Variants in B3GAT2 observed in about 807,000 individuals in gnomAD.
B3GAT2 encodes the protein beta-1,3-glucuronyltransferase 2.
Under a neutral mutation model 27.8 loss-of-function variants are expected in B3GAT2, and 26 were observed. The ratio of observed to expected loss-of-function variants is 0.93; its 90% CI spans 0.68 to 1.30. The LOEUF is 1.30. Among genes scored for constraint, B3GAT2 ranks in the 50% most tolerant of loss-of-function variants. B3GAT2 has a pLI of 0.00. For synonymous variants in B3GAT2, 218 were observed against 195.1 expected (o/e 1.12, Z -0.98); for missense variants, 458 against 459.0 (o/e 1.00, Z 0.02).
chr6:70,874,979 G>A (rs531591155), intron 2 of B3GAT2, among the ~76,000 whole-genome samples: 2 of 151,344 alleles, frequency 1.3e-5, no homozygotes, highest in East Asian at 3.9e-4. Context: ...CTACAATACT[G>A]CTCTTACCAA....
In B3GAT2 at chr6:70,937,094, G is replaced by C. The variant is rs973866381; in HGVS notation, c.591+18745C>G. On this transcript the variant is annotated intron_variant, in intron 1 of 3. Coordinates refer to ENST00000230053, the MANE Select transcript of B3GAT2 (RefSeq NM_080742.3). ...TATCACCACCGATCCCACAGAAATAGAAACTACCATCAGAGAATACTATAA... is the reference window on the plus strand; with the variant it reads ...TATCACCACCGATCCCACAGAAATACAAACTACCATCAGAGAATACTATAA... 3.5e-3 allele frequency among the ~76,000 whole-genome samples: 538 copies of C among 152,104 alleles called. 6 individuals carry two copies. The highest frequency in any genetic ancestry group is 0.012 in the African/African-American group (498 of 41,478).
intron 1 of B3GAT2, among the ~76,000 whole-genome samples, chr6:70,912,390 T>C (rs1358974558): frequency 6.6e-6 from 1 of 152,172 alleles, no homozygotes; most frequent in African/African-American, 2.4e-5. Flanking sequence ...GATTATCATT[T>C]GGTTTTTCTT....
chr6:70,857,019 A>G lies in B3GAT2; in HGVS notation c.*4644T>C, dbSNP rs1160493948. 6.2e-7 allele frequency: 1 copy of G among 1,606,762 alleles called. No homozygotes were observed. Among genetic ancestry groups the G allele is most frequent in the Non-Finnish European group, 8.5e-7 (1 of 1,176,366 alleles). On this transcript the variant is annotated 3_prime_UTR_variant, in exon 4 of 4. Coordinates refer to ENST00000230053, the MANE Select transcript of B3GAT2 (RefSeq NM_080742.3). ...TATGGCACAGGAACCATTCAACAGC[A>G]AAGTACTCCTGGTAATGAATTTTGA...
intron 2 of B3GAT2, among the ~76,000 whole-genome samples, chr6:70,892,274 C>A (rs1356988317): frequency 6.6e-6 from 1 of 152,164 alleles, no homozygotes; most frequent in African/African-American, 2.4e-5. Flanking sequence ...AGCCCTAATG[C>A]ACAAACACAT....
At chr6:70,879,819 C>A (rs756781781) in intron 2 of B3GAT2, among the ~76,000 whole-genome samples, 1 of 151,796 alleles carries the variant, frequency 6.6e-6, no homozygotes, top group Non-Finnish European at 1.5e-5. Context: ...CACGTGATGG[C>A]GGGATTGTGA....
Position 70,860,257 on chromosome 6 carries a change from G to A in B3GAT2, c.*1406C>T. Reference sequence around the variant, plus strand: ...TAGTGCAACCCCTACTGCAGGTTTTGGCCAGCCCTCCAGCACAACAGCAGG... The same window carrying A: ...TAGTGCAACCCCTACTGCAGGTTTTAGCCAGCCCTCCAGCACAACAGCAGG... On this transcript the variant is annotated 3_prime_UTR_variant, in exon 4 of 4. Transcript: ENST00000230053. The A allele has an allele frequency of 6.2e-7, 1 of 1,613,724 alleles. No homozygotes were observed. The highest frequency in any genetic ancestry group is 8.5e-7 in the Non-Finnish European group (1 of 1,179,854).
chr6:70,939,078 A>C (rs1765343985), intron 1 of B3GAT2, among the ~76,000 whole-genome samples: 1 of 152,124 alleles, frequency 6.6e-6, no homozygotes, highest in African/African-American at 2.4e-5. Context: ...CCCCATCAAC[A>C]AGTGGGCGAA....
intron 1 of B3GAT2, among the ~76,000 whole-genome samples, chr6:70,952,149 C>G (rs1408228029): frequency 2.0e-5 from 3 of 152,038 alleles, no homozygotes; most frequent in African/African-American, 7.2e-5. Flanking sequence ...CTGCCTAGTA[C>G]ACAAATAGCT....
chr6:70,940,452 C>A (rs1411619071), intron 1 of B3GAT2, among the ~76,000 whole-genome samples: 1 of 151,924 alleles, frequency 6.6e-6, no homozygotes. Context: ...CTTCCCAGCC[C>A]AGGAAATGAC....
intron 1 of B3GAT2, among the ~76,000 whole-genome samples, chr6:70,945,028 A>G (rs1203349821): frequency 6.6e-6 from 1 of 151,866 alleles, no homozygotes; most frequent in Non-Finnish European, 1.5e-5. Context: ...TGTTAGAAGG[A>G]AAACTAACAA....
chr6:70,949,809 G>A (rs1765550098), intron 1 of B3GAT2, among the ~76,000 whole-genome samples: 1 of 151,464 alleles, frequency 6.6e-6, no homozygotes, highest in Non-Finnish European at 1.5e-5. Context: ...CAACCCAAAT[G>A]TCCAACAATG....
chr6:70,933,020 G>A lies in B3GAT2; in HGVS notation c.591+22819C>T, dbSNP rs545251691. Among the ~76,000 whole-genome samples the A allele has an allele frequency of 2.0e-4, 31 of 152,178 alleles. 1 individual carries two copies. In the East Asian group the frequency reaches 2.3e-3, roughly 11 times the overall value. ...TCATGATGTTACCCAAGCTGGTCTC[G>A]AACTCCTGGGCTAAGCCATCCTCCT... On this transcript the variant is annotated intron_variant, in intron 1 of 3. Transcript: ENST00000230053.
intron 2 of B3GAT2, among the ~76,000 whole-genome samples, chr6:70,866,119 G>A (rs891963760): frequency 1.3e-5 from 2 of 152,182 alleles, no homozygotes; most frequent in African/African-American, 4.8e-5. Context: ...CCTCAGGCCA[G>A]GTACAGAACC....
At chr6:70,950,563 A>C (rs987736436) in intron 1 of B3GAT2, among the ~76,000 whole-genome samples, 3 of 152,156 alleles carry the variant, frequency 2.0e-5, no homozygotes, top group African/African-American at 7.2e-5. Context: ...TCAAAATTCT[A>C]TCTCTGCCAC....
rs773716864 is a variant in B3GAT2 at position 70,859,427 on chromosome 6, G to A, written c.*2236C>T. 1.1e-5 allele frequency: 16 copies of A among 1,513,582 alleles called. No individual in the cohort carries two copies. Among genetic ancestry groups the A allele is most frequent in the South Asian group, 8.5e-5 (7 of 82,008 alleles). 93.8% of individuals were successfully genotyped at this position (1,513,582 alleles called of 1,614,324 possible). On this transcript the variant is annotated 3_prime_UTR_variant, in exon 4 of 4. Transcript: ENST00000230053. ...AATGTCCTTTAGTAGGTATGAAGAC[G>A]TGATCTGCTTCTTCAGACACTTATG...
At chr6:70,894,430 C>T (rs568163532) in intron 1 of B3GAT2, among the ~76,000 whole-genome samples, 158 bp from the exon 2 acceptor site, 13 of 152,264 alleles carry the variant, frequency 8.5e-5, no homozygotes, top group African/African-American at 3.1e-4. Flanking sequence ...AGTATGGCCC[C>T]CATCTGTTAG....
intron 2 of B3GAT2, among the ~76,000 whole-genome samples, chr6:70,889,740 C>G (rs139582086): frequency 6.6e-6 from 1 of 152,028 alleles, no homozygotes; most frequent in Non-Finnish European, 1.5e-5. Flanking sequence ...CCTCCCCAAG[C>G]CTTTCCCAGA....
At chr6:70,890,542 A>G (rs1024791301) in intron 2 of B3GAT2, among the ~76,000 whole-genome samples, 24 of 152,186 alleles carry the variant, frequency 1.6e-4, no homozygotes, top group Admixed American at 1.6e-3. Flanking sequence ...GATTACAATG[A>G]TAATTTGTAT....
intron 2 of B3GAT2, among the ~76,000 whole-genome samples, chr6:70,875,013 A>C (rs902597914): frequency 2.6e-5 from 4 of 151,962 alleles, no homozygotes; most frequent in African/African-American, 4.8e-5. Flanking sequence ...TTAAAAAAAA[A>C]AAAACAAAAC....
Sources: allele counts gnomAD v4.1 joint callset (sites outside exome capture counted in the v4.1 genomes callset), GRCh38; gene constraint gnomAD v4.1.1; transcripts MANE v1.5; gene names NCBI Gene and HGNC (gene_info 2026-07-23, HGNC 2026-07-21).